CDC42BPB: variants seen among roughly 807,000 people sequenced by gnomAD.
The protein encoded by CDC42BPB is CDC42 binding protein kinase beta.
A neutral mutation model predicts 214.9 loss-of-function variants in CDC42BPB; 37 were observed. That is an observed-to-expected ratio of 0.17 (90% CI 0.13 to 0.23). The LOEUF is 0.23. Ranked by LOEUF, CDC42BPB falls within the 10% of genes least tolerant of loss-of-function variation. CDC42BPB has a pLI of 1.00. For missense variants in CDC42BPB, 1,694 were observed against 2,227.0 expected (o/e 0.76, Z 4.82); for synonymous variants, 931 against 884.0 (o/e 1.05, Z -0.94).
At chr14:103,013,931 C>T (rs943837912) in intron 1 of CDC42BPB, among the ~76,000 whole-genome samples, 4 of 152,086 alleles carry the variant, frequency 2.6e-5, no homozygotes, top group Admixed American at 1.3e-4. Context: ...TTTGGGAGGC[C>T]GAGGCGGGCG....
intron 1 of CDC42BPB, among the ~76,000 whole-genome samples, chr14:103,022,830 T>C (rs565414405): frequency 6.6e-6 from 1 of 152,138 alleles, no homozygotes; most frequent in Non-Finnish European, 1.5e-5. Flanking sequence ...CGAACATTAT[T>C]GGTGCTTGCT....
chr14:103,033,118 T>C lies in CDC42BPB; in HGVS notation c.176-20930A>G, dbSNP rs1259506244. ...TGGGATTTTCCTAAAATAATCCTTT[T>C]TGGGGAAAGGGAATAAAAGTGAAAT... On this transcript the variant is annotated intron_variant, in intron 1 of 36. Transcript: ENST00000361246. Among the ~76,000 whole-genome samples, 5 of 152,322 alleles carry C rather than the reference T, an allele frequency of 3.3e-5. No individual in the cohort carries two copies. The South Asian group carries it at 1.0e-3, about 32-fold the overall frequency.
chr14:102,933,239 T>C lies in CDC42BPB; in HGVS notation c.*473A>G, dbSNP rs1426392994. 6.5e-6 allele frequency: 1 copy of C among 153,808 alleles called. No individual in the cohort carries two copies. The highest frequency in any genetic ancestry group is 1.4e-5 in the Non-Finnish European group (1 of 69,094). 9.5% of individuals were successfully genotyped at this position (153,808 alleles called of 1,614,324 possible). A position where few individuals can be genotyped will look rare whatever the true frequency, so the allele number is the denominator to read the frequency against. On this transcript the variant is annotated 3_prime_UTR_variant, in exon 37 of 37. Transcript: ENST00000361246. ...GGCCACAGACTAACCTCCACTTTCC[T>C]GTCTTCAAAATTCTAGTGACACTGG...
At position 102,972,114 on chromosome 14, in the gene CDC42BPB, G is replaced by C. The variant is rs143294102; in HGVS notation, c.1689C>G (p.Leu563=). The change falls in exon 13 of 37, where the codon CTC becomes CTG. Residue 563 remains leucine (L), a synonymous_variant. Transcript: ENST00000361246. ...GCTTTCGCTGCTGATGGGCATCTTT[G>C]AGTTCCTTGGCCTGGGATTTCAACC... ...SERLKSQAKE[L]KDAHQQRKLA... 5 of 1,614,264 alleles carry C rather than the reference G, an allele frequency of 3.1e-6. No homozygotes were observed. Among genetic ancestry groups the C allele is most frequent in the Non-Finnish European group, 4.2e-6 (5 of 1,180,054 alleles).
chr14:102,954,056 C>T, intron 23 of CDC42BPB, 142 bp downstream of exon 23: 1 of 657,740 alleles, frequency 1.5e-6, no homozygotes, highest in Non-Finnish European at 2.7e-6. Context: ...AACTTTCCTA[C>T]AGAACATGAG....
rs1298402251 is a variant in CDC42BPB at position 103,053,697 on chromosome 14, G to A, written c.175+3302C>T. ...GAACAACGTGAACCCGGGAGGCAGA[G>A]CTTGCAGTGAGCCGAGATCCCGCCA... is the stretch of plus-strand genomic sequence containing the variant. On this transcript the variant is annotated intron_variant, in intron 1 of 36. Coordinates refer to ENST00000361246, the MANE Select transcript of CDC42BPB (RefSeq NM_006035.4). Among the ~76,000 whole-genome samples, 8 of 150,482 alleles carry A rather than the reference G, an allele frequency of 5.3e-5. No individual in the cohort carries two copies. In the East Asian group the frequency reaches 1.6e-3, roughly 30 times the overall value.
intron 6 of CDC42BPB, 98 bp downstream of exon 6, chr14:102,986,389 A>G (rs1433908499): frequency 1.1e-5 from 8 of 736,970 alleles, no homozygotes; most frequent in African/African-American, 1.8e-5. Flanking sequence ...CTGAATTAAT[A>G]TACTTGGTTT....
At chr14:103,007,511 A>G (rs1320121425) in intron 3 of CDC42BPB, among the ~76,000 whole-genome samples, 1 of 152,192 alleles carries the variant, frequency 6.6e-6, no homozygotes, top group Admixed American at 6.5e-5. Context: ...GAGGAGTAAG[A>G]GGAGAGGGTC....
intron 1 of CDC42BPB, among the ~76,000 whole-genome samples, chr14:103,037,915 G>A (rs1433060847): frequency 1.3e-5 from 2 of 151,978 alleles, no homozygotes; most frequent in Non-Finnish European, 2.9e-5. Context: ...TATAGTCCCA[G>A]CTACTTGGGA....
chr14:103,056,910 C>T, intron 1 of CDC42BPB, 89 bp downstream of exon 1: 1 of 964,484 alleles, frequency 1.0e-6, no homozygotes, highest in South Asian at 2.2e-5. Context: ...CAGGGTCTGT[C>T]CGGGCGGGGA....
At chr14:103,005,391 GT>G in intron 3 of CDC42BPB, among the ~76,000 whole-genome samples, 1 of 152,276 alleles carries the variant, frequency 6.6e-6, no homozygotes, top group African/African-American at 2.4e-5. Context: ...CTTCTACAAG[GT>G]TTTCTTTTCT....
intron 30 of CDC42BPB, chr14:102,941,208 G>C: frequency 1.0e-6 from 1 of 985,462 alleles, no homozygotes; most frequent in Non-Finnish European, 1.2e-6. Context: ...CAGAAACGCA[G>C]AGCTGGGAGG....
At chr14:102,960,254 C>G (rs1289824071) in intron 20 of CDC42BPB, among the ~76,000 whole-genome samples, 1 of 151,990 alleles carries the variant, frequency 6.6e-6, no homozygotes, top group Non-Finnish European at 1.5e-5. Flanking sequence ...ACAGGGGCAG[C>G]TGGGCTGGGC....
intron 20 of CDC42BPB, among the ~76,000 whole-genome samples, chr14:102,961,970 C>T (rs1369994285): frequency 2.0e-5 from 3 of 152,174 alleles, no homozygotes; most frequent in Non-Finnish European, 4.4e-5. Context: ...TTTAGAAATC[C>T]GCAAGACTAA....
intron 20 of CDC42BPB, among the ~76,000 whole-genome samples, chr14:102,961,392 T>C (rs1024835387): frequency 1.3e-5 from 2 of 151,888 alleles, no homozygotes; most frequent in Admixed American, 6.6e-5. Context: ...TGGAGTGCAG[T>C]GGCGAGATCT....
chr14:103,053,558 G>A (rs139463482), intron 1 of CDC42BPB, among the ~76,000 whole-genome samples: 2,081 of 151,378 alleles, frequency 0.014, 28 homozygotes, highest in Non-Finnish European at 0.014. Context: ...TCTGGAGATC[G>A]AGACCATCCT....
intron 5 of CDC42BPB, 43 bp downstream of exon 5, chr14:102,999,522 C>T (rs1566892769): frequency 1.9e-6 from 3 of 1,603,966 alleles, no homozygotes; most frequent in East Asian, 4.5e-5. Context: ...AGTCTTTTAA[C>T]AATTAAACGT....
In CDC42BPB at chr14:102,999,951, A is replaced by T. The variant is rs1894904861; in HGVS notation, c.448-238T>A. On this transcript the variant is annotated intron_variant, in intron 4 of 36. Transcript: ENST00000361246. ...GTGGACTTCAGTAAGTGATGTATTT[A>T]ATCAATGGGAGGAATGATGAAAGGG... 5.2e-6 allele frequency: 5 copies of T among 970,748 alleles called. No individual in the cohort carries two copies. In the Admixed American group the frequency reaches 3.1e-4, roughly 60 times the overall value. 60.1% of individuals were successfully genotyped at this position (970,748 alleles called of 1,614,324 possible). A position where few individuals can be genotyped will look rare whatever the true frequency, so the allele number is the denominator to read the frequency against.
At chr14:103,047,253 C>T (rs1171195390) in intron 1 of CDC42BPB, among the ~76,000 whole-genome samples, 2 of 139,754 alleles carry the variant, frequency 1.4e-5, no homozygotes, top group Non-Finnish European at 1.5e-5. Context: ...CACTGCACTC[C>T]AGCCAGGGCA....
Sources: gnomAD v4.1 joint callset for allele counts (sites outside exome capture counted in the v4.1 genomes callset) on GRCh38, gnomAD v4.1.1 for gene constraint, MANE v1.5 for transcripts, NCBI Gene and HGNC (gene_info 2026-07-23, HGNC 2026-07-21) for gene names.